COMMD10: variants seen among roughly 807,000 people sequenced by gnomAD.
COMMD10 encodes COMM domain-containing protein 10.
COMMD10 carries 33 observed loss-of-function variants against 28.9 expected under a neutral mutation model. That is an observed-to-expected ratio of 1.14 (90% CI 0.87 to 1.53). The LOEUF (loss-of-function observed/expected upper bound fraction) is 1.53. Ranked by LOEUF, COMMD10 falls within the 40% of genes most tolerant of loss-of-function variation. COMMD10 has a pLI of 0.00. For missense variants in COMMD10, 310 were observed against 233.4 expected (o/e 1.33, Z -2.14); for synonymous variants, 110 against 81.7 (o/e 1.35, Z -1.87).
At chr5:116,178,818 A>G (rs1333388241) in intron 5 of COMMD10, among the ~76,000 whole-genome samples, 1 of 152,174 alleles carries the variant, frequency 6.6e-6, no homozygotes, top group Non-Finnish European at 1.5e-5. Context: ...GGTTAGCTGT[A>G]GTTGATGCAG....
intron 5 of COMMD10, among the ~76,000 whole-genome samples, chr5:116,207,028 A>G (rs1748830741): frequency 6.6e-6 from 1 of 152,186 alleles, no homozygotes; most frequent in African/African-American, 2.4e-5. Flanking sequence ...TTTTTTAAGA[A>G]CTGAGGTTAG....
intron 5 of COMMD10, among the ~76,000 whole-genome samples, chr5:116,204,913 C>A (rs1580546682): frequency 6.6e-6 from 1 of 152,068 alleles, no homozygotes; most frequent in Admixed American, 6.6e-5. Flanking sequence ...GGAAGAGTAT[C>A]TAAAGGATAT....
intron 5 of COMMD10, among the ~76,000 whole-genome samples, chr5:116,185,458 G>C (rs1748106595): frequency 6.6e-6 from 1 of 151,852 alleles, no homozygotes; most frequent in Non-Finnish European, 1.5e-5. Flanking sequence ...AAAAACAAAA[G>C]CAGGGTCAAG....
Position 116,196,464 on chromosome 5 carries a change from G to A in COMMD10, c.510+62286G>A, listed in dbSNP as rs192134148. On this transcript the variant is annotated intron_variant, in intron 5 of 6. Transcript: ENST00000274458. ...CACTAAAGAACTTACTCATGTAACC[G>A]AATACCACCTGTACCCCAGTAACTT... Among the ~76,000 whole-genome samples, 1,158 of 151,232 alleles carry A rather than the reference G, an allele frequency of 7.7e-3. 18 individuals carry two copies. Among genetic ancestry groups the A allele is most frequent in the African/African-American group, 0.026 (1,084 of 41,084 alleles).
At position 116,267,172 on chromosome 5, in the gene COMMD10, T is replaced by C. The variant is rs561868497; in HGVS notation, c.511-24345T>C. Among the ~76,000 whole-genome samples, 3 of 152,030 alleles carry C rather than the reference T, an allele frequency of 2.0e-5. No individual in the cohort carries two copies. The South Asian group carries it at 6.2e-4, about 32-fold the overall frequency. On this transcript the variant is annotated intron_variant, in intron 5 of 6. Transcript: ENST00000274458. ...AAGTCAAATGGTCCCTGTTTGCAGATGACATGATTGTGTATTTAGAAAACC... is the reference window on the plus strand; with the variant it reads ...AAGTCAAATGGTCCCTGTTTGCAGACGACATGATTGTGTATTTAGAAAACC...
intron 5 of COMMD10, among the ~76,000 whole-genome samples, chr5:116,241,014 TAAG>T (rs895142462): frequency 6.6e-6 from 1 of 152,168 alleles, no homozygotes; most frequent in Admixed American, 6.6e-5. Flanking sequence ...TTCTTCACAT[TAAG>T]AAGGAGGAAT....
chr5:116,175,775 A>T (rs1367068832), intron 5 of COMMD10, among the ~76,000 whole-genome samples: 1 of 152,156 alleles, frequency 6.6e-6, no homozygotes, highest in Non-Finnish European at 1.5e-5. Context: ...CCAGTCACAA[A>T]AGGACAAATG....
At chr5:116,216,352 C>G (rs553679507) in intron 5 of COMMD10, among the ~76,000 whole-genome samples, 15 of 152,168 alleles carry the variant, frequency 9.9e-5, no homozygotes, top group African/African-American at 3.6e-4. Flanking sequence ...CTTATATGGA[C>G]TAGAAAGTTT....
At chr5:116,116,797 C>T (rs939039268) in intron 4 of COMMD10, among the ~76,000 whole-genome samples, 2 of 151,166 alleles carry the variant, frequency 1.3e-5, no homozygotes, top group African/African-American at 2.4e-5. Context: ...CGGCTCACTG[C>T]AAGCTCCGCT....
chr5:116,279,352 A>T (rs1208321193), intron 5 of COMMD10, among the ~76,000 whole-genome samples: 1 of 151,936 alleles, frequency 6.6e-6, no homozygotes, highest in Admixed American at 6.6e-5. Flanking sequence ...ATTAAAAGTT[A>T]TTCGATTGAT....
intron 5 of COMMD10, among the ~76,000 whole-genome samples, chr5:116,271,040 G>T (rs1293975793): frequency 2.6e-5 from 4 of 151,474 alleles, no homozygotes; most frequent in Non-Finnish European, 1.5e-5. Context: ...CACAGGTTTG[G>T]TGGGTGGCCC....
At chr5:116,133,177 A>G (rs946839531) in intron 4 of COMMD10, among the ~76,000 whole-genome samples, 1 of 152,168 alleles carries the variant, frequency 6.6e-6, no homozygotes, top group Non-Finnish European at 1.5e-5. Context: ...GCATATGACA[A>G]TTGCATTTCA....
intron 5 of COMMD10, among the ~76,000 whole-genome samples, chr5:116,148,760 G>C (rs1288460861): frequency 2.0e-5 from 3 of 151,630 alleles, no homozygotes; most frequent in Non-Finnish European, 4.4e-5. Flanking sequence ...AAAGAACATT[G>C]TCAAGAAATT....
chr5:116,128,176 A>G (rs755236493), intron 4 of COMMD10, among the ~76,000 whole-genome samples: 57 of 152,030 alleles, frequency 3.7e-4, no homozygotes, highest in Non-Finnish European at 7.1e-4. Flanking sequence ...GTCTAATTTG[A>G]GATGTGCTTA....
chr5:116,098,307 G>A (rs1040021555), intron 4 of COMMD10, among the ~76,000 whole-genome samples: 1 of 152,148 alleles, frequency 6.6e-6, no homozygotes, highest in African/African-American at 2.4e-5. Flanking sequence ...GAAAAAAGGT[G>A]TACATGCAAT....
At chr5:116,153,322 G>C (rs530885873) in intron 5 of COMMD10, among the ~76,000 whole-genome samples, 2 of 151,988 alleles carry the variant, frequency 1.3e-5, no homozygotes, top group East Asian at 3.9e-4. Context: ...TGGAGGCTGA[G>C]GGGGCATCTG....
intron 4 of COMMD10, among the ~76,000 whole-genome samples, chr5:116,117,053 G>A (rs756893141): frequency 1.3e-5 from 2 of 151,976 alleles, no homozygotes; most frequent in Admixed American, 1.3e-4. Flanking sequence ...ATATGTATTT[G>A]ACTGTCACTC....
rs1382996563 is a variant in COMMD10, at chr5:116,134,094, C to G, written c.426C>G (p.Asn142Lys). The G allele has an allele frequency of 1.9e-6, 3 of 1,609,086 alleles. No individual in the cohort carries two copies. The Admixed American group carries it at 5.0e-5, about 27-fold the overall frequency. The change falls in exon 5 of 7, where the codon AAC (asparagine) becomes AAG (lysine). Residue 142 changes from asparagine (N) to lysine (K), a missense_variant. Coordinates refer to ENST00000274458, the MANE Select transcript of COMMD10 (RefSeq NM_016144.4). ...TAGAGACCGTTGGATGGCAGCTTAA[C>G]CTTCAGATGGCTCACTCTGCTCAAG... ...CKLETVGWQLNLQMAHSAQAK... is the reference protein window; with the variant it reads ...CKLETVGWQLKLQMAHSAQAK...
At chr5:116,169,950 A>T (rs915541294) in intron 5 of COMMD10, among the ~76,000 whole-genome samples, 2 of 152,208 alleles carry the variant, frequency 1.3e-5, no homozygotes, top group African/African-American at 4.8e-5. Context: ...GCCCTCTCTC[A>T]CCACCCCTAT....
Sources: gnomAD v4.1 joint callset for allele counts (sites outside exome capture counted in the v4.1 genomes callset) on GRCh38, gnomAD v4.1.1 for gene constraint, MANE v1.5 for transcripts, NCBI Gene and HGNC (gene_info 2026-07-23, HGNC 2026-07-21) for gene names.